DLGAP2: variants seen among roughly 807,000 people sequenced by gnomAD.
The protein encoded by DLGAP2 is DLG associated protein 2.
Under a neutral mutation model 100.3 loss-of-function variants are expected in DLGAP2, and 26 were observed. The observed-to-expected ratio is 0.26, with a 90% CI of 0.19 to 0.36. The LOEUF (loss-of-function observed/expected upper bound fraction) is 0.36, where lower values mean the gene tolerates loss of function less well. DLGAP2 is among the 10% of genes least tolerant of loss of function. DLGAP2 has a pLI of 1.00. For synonymous variants in DLGAP2, 886 were observed against 630.1 expected, an observed-to-expected ratio of 1.41 and a Z score of -6.08; for missense variants, 1,858 against 1,453.2, an observed-to-expected ratio of 1.28 and a Z score of -4.53.
chr8:1,122,045 G>T (rs1480601326), intron 2 of DLGAP2, among the ~76,000 whole-genome samples: 3 of 152,108 alleles, frequency 2.0e-5, no homozygotes, highest in Non-Finnish European at 2.9e-5. Context: ...GAGTGCATTT[G>T]CCCCTCGTGG....
intron 2 of DLGAP2, among the ~76,000 whole-genome samples, chr8:1,257,848 G>T (rs1309909227): frequency 2.0e-5 from 3 of 152,224 alleles, no homozygotes; most frequent in Admixed American, 2.0e-4. Context: ...CACCCTTGTG[G>T]GCTCAGGGTC....
At chr8:1,012,529 C>A (rs1409294994) in intron 2 of DLGAP2, among the ~76,000 whole-genome samples, 4 of 146,480 alleles carry the variant, frequency 2.7e-5, no homozygotes, top group African/African-American at 1.0e-4. Flanking sequence ...AACGTCCGAC[C>A]AGCCCCCCCA....
At chr8:1,413,781 G>A (rs10093901) in intron 3 of DLGAP2, among the ~76,000 whole-genome samples, 26 of 152,090 alleles carry the variant, frequency 1.7e-4, no homozygotes, top group South Asian at 4.1e-4. Flanking sequence ...GATTGTGCAG[G>A]TCTCACAAAG....
At chr8:1,387,231 C>T (rs1796241260) in intron 3 of DLGAP2, among the ~76,000 whole-genome samples, 1 of 152,146 alleles carries the variant, frequency 6.6e-6, no homozygotes, top group South Asian at 2.1e-4. Flanking sequence ...GGTGGAGAGA[C>T]TGAGAGGCAG....
At chr8:754,258 A>T (rs1359526339) in intron 1 of DLGAP2, 2 of 151,988 alleles carry the variant, frequency 1.3e-5, no homozygotes, top group South Asian at 2.1e-4. Context: ...CCCGTCGCCA[A>T]CTCTGCCGAG....
chr8:745,329 G>T (rs1310838815), intron 1 of DLGAP2, among the ~76,000 whole-genome samples: 1 of 152,108 alleles, frequency 6.6e-6, no homozygotes, highest in Non-Finnish European at 1.5e-5. Flanking sequence ...ACCTTTTGTT[G>T]TGGCCATTTC....
chr8:1,358,555 C>T (rs1801906922), intron 3 of DLGAP2, among the ~76,000 whole-genome samples: 1 of 152,136 alleles, frequency 6.6e-6, no homozygotes, highest in Admixed American at 6.5e-5. Flanking sequence ...ACGCTGGAGA[C>T]CTCAAATCTA....
At chr8:1,520,953 C>T (rs572794170) in intron 4 of DLGAP2, among the ~76,000 whole-genome samples, 1 of 152,218 alleles carries the variant, frequency 6.6e-6, no homozygotes, top group African/African-American at 2.4e-5. Flanking sequence ...AGTGGCTGCA[C>T]CGCTTTGCAC....
intron 3 of DLGAP2, among the ~76,000 whole-genome samples, chr8:1,338,388 C>G (rs1165555471): frequency 6.6e-6 from 1 of 152,212 alleles, no homozygotes; most frequent in African/African-American, 2.4e-5. Flanking sequence ...AGAAGCCAGA[C>G]TCAAGTCCAC....
chr8:781,477 G>C (rs1254261942), intron 1 of DLGAP2, among the ~76,000 whole-genome samples: 1 of 151,980 alleles, frequency 6.6e-6, no homozygotes, highest in African/African-American at 2.4e-5. Flanking sequence ...AAATATGAAA[G>C]CATTTTGAGA....
At chr8:1,239,964 C>T (rs1481742496) in intron 2 of DLGAP2, among the ~76,000 whole-genome samples, 1 of 146,308 alleles carries the variant, frequency 6.8e-6, no homozygotes, top group Non-Finnish European at 1.5e-5. Context: ...CTAGTTCTCT[C>T]TCACACATAG....
chr8:1,275,204 G>A (rs1799658022), intron 3 of DLGAP2, among the ~76,000 whole-genome samples: 1 of 152,098 alleles, frequency 6.6e-6, no homozygotes, highest in African/African-American at 2.4e-5. Flanking sequence ...CCAATGTTAA[G>A]GGGAGGGAAA....
At chr8:1,160,213 G>A (rs1353246567) in intron 2 of DLGAP2, among the ~76,000 whole-genome samples, 1 of 152,184 alleles carries the variant, frequency 6.6e-6, no homozygotes, top group South Asian at 2.1e-4. Context: ...GAAAACACCT[G>A]TATAAATAGC....
At chr8:854,189 G>A (rs1263079659) in intron 1 of DLGAP2, among the ~76,000 whole-genome samples, 1 of 152,170 alleles carries the variant, frequency 6.6e-6, no homozygotes, top group South Asian at 2.1e-4. Flanking sequence ...CCCTGTAGGA[G>A]GACTGCACAG....
intron 3 of DLGAP2, among the ~76,000 whole-genome samples, chr8:1,293,227 C>A (rs1052931622): frequency 6.6e-6 from 1 of 152,212 alleles, no homozygotes; most frequent in East Asian, 1.9e-4. Flanking sequence ...CTCACACACA[C>A]ACATGGGCCC....
intron 8 of DLGAP2, among the ~76,000 whole-genome samples, chr8:1,652,366 G>A (rs1422685958): frequency 2.6e-5 from 4 of 152,088 alleles, no homozygotes; most frequent in African/African-American, 4.8e-5. Flanking sequence ...GGTTTTCCTC[G>A]CTGCTGAATT....
intron 5 of DLGAP2, among the ~76,000 whole-genome samples, chr8:1,562,679 G>A (rs1284225121): frequency 4.3e-5 from 2 of 46,712 alleles, no homozygotes; most frequent in African/African-American, 1.1e-4. Flanking sequence ...TGGGGTGTCC[G>A]CGCCTCATTA....
At chr8:1,572,859 G>A (rs1802790218) in intron 6 of DLGAP2, among the ~76,000 whole-genome samples, 1 of 116,046 alleles carries the variant, frequency 8.6e-6, no homozygotes. Flanking sequence ...AGAGAGGGTT[G>A]AACTGTGGGG....
chr8:1,081,290 C>G (rs532324160), intron 2 of DLGAP2, among the ~76,000 whole-genome samples: 6 of 152,190 alleles, frequency 3.9e-5, no homozygotes, highest in African/African-American at 1.4e-4. Flanking sequence ...AAAATTCATT[C>G]TTAGCTATTA....
Sources: allele counts gnomAD v4.1 joint callset (sites outside exome capture counted in the v4.1 genomes callset), GRCh38; gene constraint gnomAD v4.1.1; transcripts MANE v1.5; gene names NCBI Gene and HGNC (gene_info 2026-07-23, HGNC 2026-07-21).